The following PLSCR2 variants were observed in gnomAD, a reference collection of about 807,000 sequenced individuals.
The protein encoded by PLSCR2 is phospholipid scramblase 2.
In PLSCR2, 18 loss-of-function variants were observed where a neutral mutation model predicts 25.3. The observed-to-expected ratio is 0.71, with a 90% CI of 0.49 to 1.06. The LOEUF is 1.06. Ranked by LOEUF, PLSCR2 falls within the 50% of genes least tolerant of loss-of-function variation. PLSCR2 has a pLI of 0.00. For missense variants in PLSCR2, 243 were observed against 269.5 expected, an observed-to-expected ratio of 0.90 and a Z score of 0.69; for synonymous variants, 88 against 87.3, an observed-to-expected ratio of 1.01 and a Z score of -0.04.
intron 5 of PLSCR2, 47 bp from the exon 6 acceptor site, chr3:146,449,414 T>G (rs370208240): frequency 1.2e-5 from 16 of 1,352,910 alleles, no homozygotes; most frequent in Non-Finnish European, 1.6e-5. Context: ...AGAAAACTTA[T>G]AGCAAAATTA....
intron 1 of PLSCR2, among the ~76,000 whole-genome samples, chr3:146,465,988 C>A (rs534070031): frequency 1.3e-5 from 2 of 152,266 alleles, no homozygotes; most frequent in South Asian, 4.1e-4. Flanking sequence ...CCTTTGAGTA[C>A]AAAGCACACC....
upstream of PLSCR2, chr3:146,461,937 A>G (rs942591587): frequency 1.3e-5 from 20 of 1,485,762 alleles, no homozygotes; most frequent in Non-Finnish European, 1.7e-5. Context: ...ACACAGCTAC[A>G]AATAATATCC....
At chr3:146,396,753 C>T (rs2038287387) in intron 2 of PLSCR2, among the ~76,000 whole-genome samples, 3 of 152,102 alleles carry the variant, frequency 2.0e-5, no homozygotes, top group Admixed American at 2.0e-4. Flanking sequence ...GTTAGCAGGG[C>T]TGCTCATAAC....
At chr3:146,428,695 T>C (rs142907690), downstream of PLSCR2, among the ~76,000 whole-genome samples, 3 of 152,192 alleles carry the variant, frequency 2.0e-5, no homozygotes, top group Non-Finnish European at 4.4e-5. Flanking sequence ...TTTGATGCTA[T>C]GAGGCTAAGA....
intron 3 of PLSCR2, among the ~76,000 whole-genome samples, chr3:146,394,226 C>A (rs1284780972): frequency 6.6e-6 from 1 of 151,968 alleles, no homozygotes; most frequent in Non-Finnish European, 1.5e-5. Context: ...TTAAAAGAGA[C>A]TACAGATACT....
chr3:146,394,140 C>G (rs1315383888), intron 3 of PLSCR2, among the ~76,000 whole-genome samples: 1 of 151,820 alleles, frequency 6.6e-6, no homozygotes, highest in Non-Finnish European at 1.5e-5. Flanking sequence ...TTTAGCTTCC[C>G]TAGCTTTCTT....
intron 2 of PLSCR2, among the ~76,000 whole-genome samples, chr3:146,420,740 C>T (rs192641643): frequency 1.3e-5 from 2 of 152,126 alleles, no homozygotes; most frequent in East Asian, 3.9e-4. Flanking sequence ...GTGATGACCA[C>T]ACAATTATAT....
At chr3:146,428,845 T>C (rs1414950147), downstream of PLSCR2, among the ~76,000 whole-genome samples, 2 of 152,248 alleles carry the variant, frequency 1.3e-5, no homozygotes, top group African/African-American at 2.4e-5. Flanking sequence ...AATGGTTTTA[T>C]ATGCCATTAA....
At chr3:146,423,283 C>CTCTCTCTCTCCG (rs2039223901) in intron 2 of PLSCR2, among the ~76,000 whole-genome samples, 18 of 75,470 alleles carry the variant, frequency 2.4e-4, no homozygotes, top group Non-Finnish European at 5.0e-4. Flanking sequence ...CTCTCTCTCT[C>CTCTCTCTCTCCG]CCTGGCTAGA....
downstream of PLSCR2, among the ~76,000 whole-genome samples, chr3:146,438,109 T>A (rs547702986): frequency 6.6e-6 from 1 of 152,364 alleles, no homozygotes; most frequent in East Asian, 1.9e-4. Context: ...AATCCTTAGT[T>A]CTAGTTTGAT....
At chr3:146,413,031 A>G (rs960229161) in intron 2 of PLSCR2, among the ~76,000 whole-genome samples, 5 of 152,210 alleles carry the variant, frequency 3.3e-5, no homozygotes, top group African/African-American at 1.2e-4. Flanking sequence ...AGAACAAAGA[A>G]TAAGAGAGCT....
At chr3:146,454,570 T>C (rs1430832408) in intron 4 of PLSCR2, among the ~76,000 whole-genome samples, 1 of 152,138 alleles carries the variant, frequency 6.6e-6, no homozygotes, top group Non-Finnish European at 1.5e-5. Flanking sequence ...AGATATGGTG[T>C]TGCGCCAATG....
intron 8 of PLSCR2, among the ~76,000 whole-genome samples, chr3:146,434,545 T>C (rs1169973657): frequency 1.3e-5 from 2 of 151,908 alleles, no homozygotes. Flanking sequence ...TGTAGACTTT[T>C]ATATATATAT....
intron 2 of PLSCR2, among the ~76,000 whole-genome samples, chr3:146,411,467 C>T (rs114336828): frequency 0.011 from 1,663 of 152,330 alleles, 23 homozygotes; most frequent in African/African-American, 0.038. Flanking sequence ...ATCCGCTCTC[C>T]TCCGGAAGAC....
intron 2 of PLSCR2, among the ~76,000 whole-genome samples, chr3:146,417,749 T>C (rs1425642395): frequency 6.6e-6 from 1 of 152,244 alleles, no homozygotes; most frequent in African/African-American, 2.4e-5. Flanking sequence ...AAATATTTTC[T>C]ACATGAAGAA....
downstream of PLSCR2, among the ~76,000 whole-genome samples, chr3:146,431,864 TAA>T (rs34188112): frequency 1.4e-4 from 20 of 143,930 alleles, no homozygotes; most frequent in African/African-American, 2.6e-4. Flanking sequence ...CATCAAGCAT[TAA>T]AAAAAAAAAA....
upstream of PLSCR2, among the ~76,000 whole-genome samples, chr3:146,463,421 C>T (rs1175392558): frequency 4.6e-5 from 7 of 152,192 alleles, no homozygotes; most frequent in Admixed American, 4.6e-4. Flanking sequence ...TCCCAAAGTG[C>T]TGGGATTACA....
chr3:146,439,448 A>G (rs2040099134), downstream of PLSCR2, among the ~76,000 whole-genome samples: 1 of 152,144 alleles, frequency 6.6e-6, no homozygotes, highest in African/African-American at 2.4e-5. Flanking sequence ...ACATAGCCCC[A>G]TATTTCTTGG....
intron 2 of PLSCR2, among the ~76,000 whole-genome samples, chr3:146,423,233 GCCTCTCTCTC>G (rs777497284): frequency 2.8e-5 from 1 of 36,152 alleles, no homozygotes; most frequent in Non-Finnish European, 5.8e-5. Flanking sequence ...TCCTTGCAGT[GCCTCTCTCTC>G]TCTCTCTCTC....
Sources: allele counts gnomAD v4.1 joint callset (sites outside exome capture counted in the v4.1 genomes callset), GRCh38; gene constraint gnomAD v4.1.1; transcripts MANE v1.5; gene names NCBI Gene and HGNC (gene_info 2026-07-23, HGNC 2026-07-21).